OGG1: variants seen among roughly 807,000 people sequenced by gnomAD.
OGG1 encodes 8-oxoguanine DNA glycosylase, also known as N-glycosylase/DNA lyase.
Under a neutral mutation model 42.3 loss-of-function variants are expected in OGG1, and 35 were observed. That is an observed-to-expected ratio of 0.83 (90% CI 0.63 to 1.10). The LOEUF (loss-of-function observed/expected upper bound fraction) is 1.10, where lower values mean the gene tolerates loss of function less well. OGG1 is among the 50% of genes least tolerant of loss of function. OGG1 has a pLI of 0.00. For synonymous variants in OGG1, 189 were observed against 179.0 expected (o/e 1.06, Z -0.44); for missense variants, 484 against 446.7 (o/e 1.08, Z -0.75).
At chr3:9,765,118 T>C (rs1046211275) in intron 7 of OGG1, among the ~76,000 whole-genome samples, 2 of 150,982 alleles carry the variant, frequency 1.3e-5, no homozygotes, top group African/African-American at 2.4e-5. Flanking sequence ...TCCCAGCTAC[T>C]AGGGAGGCTG....
chr3:9,753,325 CAGGGCG>C (rs1212925698), intron 3 of OGG1, among the ~76,000 whole-genome samples: 6 of 130,106 alleles, frequency 4.6e-5, no homozygotes, highest in Non-Finnish European at 1.0e-4. Flanking sequence ...GCCTGGGCGA[CAGGGCG>C]ACAGGGCGAG....
intron 3 of OGG1, chr3:9,787,281 C>G (rs373432811): frequency 1.4e-5 from 23 of 1,614,200 alleles, no homozygotes; most frequent in Non-Finnish European, 1.9e-5. Context: ...CATCCTTCTG[C>G]TCCTCCAGCA....
intron 2 of OGG1, among the ~76,000 whole-genome samples, chr3:9,774,710 A>G (rs2078343773): frequency 6.6e-6 from 1 of 152,226 alleles, no homozygotes; most frequent in East Asian, 1.9e-4. Flanking sequence ...GGTCATTTGC[A>G]GCCTTTCAAA....
At chr3:9,762,767 G>A in intron 7 of OGG1, 1 of 695,360 alleles carries the variant, frequency 1.4e-6, no homozygotes, top group Non-Finnish European at 2.5e-6. Context: ...AATGGGAGGA[G>A]GCAGTTTAAA....
chr3:9,790,272 G>A (rs963547387), downstream of OGG1, among the ~76,000 whole-genome samples: 9 of 152,244 alleles, frequency 5.9e-5, no homozygotes, highest in African/African-American at 1.9e-4. Flanking sequence ...CCTTCACTTC[G>A]ATGTCACCAC....
At chr3:9,753,159 C>T (rs1384514054) in intron 3 of OGG1, among the ~76,000 whole-genome samples, 1 of 151,846 alleles carries the variant, frequency 6.6e-6, no homozygotes, top group Non-Finnish European at 1.5e-5. Flanking sequence ...TGAGACCAGA[C>T]TGGCCAACCT....
At chr3:9,775,096 T>C (rs1416628113) in intron 2 of OGG1, among the ~76,000 whole-genome samples, 2 of 151,774 alleles carry the variant, frequency 1.3e-5, no homozygotes, top group African/African-American at 4.8e-5. Flanking sequence ...AAAAATTAGC[T>C]GGGCGTGGTG....
exon 8 of OGG1, chr3:9,766,718 A>G (rs2078164426): frequency 1.3e-6 from 1 of 776,470 alleles, no homozygotes; most frequent in South Asian, 4.2e-5. Context: ...TGGGAGAATA[A>G]GAAGTCATAA....
chr3:9,761,073 T>G, downstream of OGG1: 4 of 371,990 alleles, frequency 1.1e-5, no homozygotes, highest in East Asian at 5.4e-5. Context: ...CAGCGAGCCC[T>G]TCCCTGACCT....
At position 9,775,838 on chromosome 3, in the gene OGG1, C is replaced by T. The variant is rs1465290153; in HGVS notation, c.295-5675C>T. Among the ~76,000 whole-genome samples the T allele has an allele frequency of 3.9e-5, 6 of 152,148 alleles. 1 individual carries two copies. The South Asian group carries it at 1.0e-3, about 26-fold the overall frequency. ...TATTTTTAGTAGAGACAGGGTTTCA[C>T]CATATTGGCCAGGCTGGTCTTGAAC... is the stretch of plus-strand genomic sequence containing the variant. On this transcript the variant is annotated intron_variant, in intron 2 of 3. Transcript: ENST00000426518.
chr3:9,781,504 T>TTG (rs1460563129), intron 2 of OGG1: 8 of 456,148 alleles, frequency 1.8e-5, no homozygotes, highest in African/African-American at 4.0e-5. Flanking sequence ...TTAAACACTG[T>TTG]TGTTTCAGGT....
chr3:9,761,122 C>T, downstream of OGG1: 1 of 333,014 alleles, frequency 3.0e-6, no homozygotes, highest in South Asian at 4.1e-5. Context: ...CCTATTCCTG[C>T]TTGGTTTTTC....
intron 3 of OGG1, chr3:9,787,581 G>T (rs2078645677): frequency 1.9e-6 from 2 of 1,033,492 alleles, no homozygotes; most frequent in Admixed American, 2.8e-5. Context: ...TAATTCCCAA[G>T]ATAGAAGGTG....
rs752399428 is a variant in OGG1, at chr3:9,754,879, C to G, written c.741C>G (p.Gly247=). The part of the protein sequence containing the change: ...HKALCILPGV[G]TKVADCICLM... ...CCCTCTGCATCCTGCCTGGAGTGGGCACCAAGGTGAGGCCCCAGGGGGTAG... is the reference window on the plus strand; with the variant it reads ...CCCTCTGCATCCTGCCTGGAGTGGGGACCAAGGTGAGGCCCCAGGGGGTAG... Residue 247 remains glycine (G), a synonymous_variant, in exon 4 of 7, where the codon GGC becomes GGG. Transcript: ENST00000344629. 1.9e-6 allele frequency: 3 copies of G among 1,593,398 alleles called. No homozygotes were observed. The East Asian group carries it at 6.8e-5, about 36-fold the overall frequency.
chr3:9,760,529 C>G (rs574438418), downstream of OGG1: 9 of 917,634 alleles, frequency 9.8e-6, no homozygotes, highest in Non-Finnish European at 7.0e-6. Context: ...TGTCTGGTCT[C>G]GAAGACAGCT....
intron 7 of OGG1, chr3:9,762,813 G>T: frequency 1.7e-6 from 2 of 1,152,062 alleles, no homozygotes; most frequent in Non-Finnish European, 1.3e-6. Context: ...GAAATCCAAG[G>T]CTCAGTGAGG....
At chr3:9,760,358 G>A (rs1054198957), downstream of OGG1, 2 of 305,384 alleles carry the variant, frequency 6.5e-6, no homozygotes, top group East Asian at 1.5e-4. Flanking sequence ...ACAAAAGGAG[G>A]ATGAAAATGT....
chr3:9,750,367 G>C lies in OGG1; in HGVS notation c.81G>C (p.Pro27=), dbSNP rs754789347. Residue 27 remains proline (P), a synonymous_variant, in exon 1 of 7, where the codon CCG becomes CCC. Transcript: ENST00000344629. ...CTCCTGCCCTGTGGGCCTCCATCCCGTGCCCTCGCTCTGAGCTGCGCCTGG... is the reference window on the plus strand; with the variant it reads ...CTCCTGCCCTGTGGGCCTCCATCCCCTGCCCTCGCTCTGAGCTGCGCCTGG... ...ASTPALWASI[P]CPRSELRLDL... 5 of 1,613,880 alleles carry C rather than the reference G, an allele frequency of 3.1e-6. No homozygotes were observed. The South Asian group carries it at 4.4e-5, about 14-fold the overall frequency.
At chr3:9,769,227 A>G (rs192147792), downstream of OGG1, among the ~76,000 whole-genome samples, 1 of 151,682 alleles carries the variant, frequency 6.6e-6, no homozygotes, top group Admixed American at 6.6e-5. Context: ...ACCCGCACCC[A>G]CACAAGATGA....
Sources: gnomAD v4.1 joint callset for allele counts (sites outside exome capture counted in the v4.1 genomes callset) on GRCh38, gnomAD v4.1.1 for gene constraint, MANE v1.5 for transcripts, NCBI Gene and HGNC (gene_info 2026-07-23, HGNC 2026-07-21) for gene names.